The following REPS1 variants were observed in gnomAD, a reference collection of about 807,000 sequenced individuals.
The protein encoded by REPS1 is RALBP1 associated Eps domain containing 1.
REPS1 carries 39 observed loss-of-function variants against 100.9 expected under a neutral mutation model. That is an observed-to-expected ratio of 0.39 (90% CI 0.30 to 0.50). The LOEUF (loss-of-function observed/expected upper bound fraction) is 0.50. REPS1 is among the 20% of genes least tolerant of loss of function. The pLI, the probability that REPS1 is intolerant of heterozygous loss-of-function variation, is 0.86. For missense variants in REPS1, 821 were observed against 968.5 expected, an observed-to-expected ratio of 0.85 and a Z score of 2.02; for synonymous variants, 324 against 340.3, an observed-to-expected ratio of 0.95 and a Z score of 0.53.
chr6:138,941,435 A>C lies in REPS1; in HGVS notation c.1035T>G (p.Ala345=). The part of the protein sequence containing the change: ...DGALTLDEFC[A]AFHLVVARKN... ...TCCTAGCAACCACCAGATGAAAAGC[A>C]GCACAAAACTCATCCAGTGTCAATG... Residue 345 remains alanine (A), a synonymous_variant, in exon 8 of 20, where the codon GCT becomes GCG. Transcript: ENST00000450536. 1 of 1,614,090 alleles carries C rather than the reference A, an allele frequency of 6.2e-7. No homozygotes were observed. The highest frequency in any genetic ancestry group is 1.3e-5 in the African/African-American group (1 of 75,064).
At position 138,920,284 on chromosome 6, in the gene REPS1, T is replaced by G; in HGVS notation, c.1459A>C (p.Lys487Gln). ...HTNPTSPLLVKPSDLLEENKI... is the reference protein window; with the variant it reads ...HTNPTSPLLVQPSDLLEENKI... The stretch of plus-strand genomic sequence containing the variant: ...TTTTCTTCTAAAAGGTCAGATGGTT[T>G]CACAAGTAATGGGCTAGTGGGATTT... The change falls in exon 12 of 20, where the codon AAA becomes CAA. Residue 487 changes from lysine to glutamine, a missense_variant. Physicochemically the swap from Lys to Gln is moderately conservative, Grantham distance 53. This residue lies in a region of REPS1 where 757 missense variants were observed against 866.4 expected (regional missense o/e 0.87). Coordinates refer to ENST00000450536, the MANE Select transcript of REPS1 (RefSeq NM_001286611.2). 2 of 1,601,162 alleles carry G rather than the reference T, an allele frequency of 1.2e-6. No homozygotes were observed. The highest frequency in any genetic ancestry group is 1.7e-6 in the Non-Finnish European group (2 of 1,168,330).
intron 1 of REPS1, among the ~76,000 whole-genome samples, chr6:138,961,680 G>A (rs181500774): frequency 6.6e-6 from 1 of 152,194 alleles, no homozygotes; most frequent in Admixed American, 6.5e-5. Flanking sequence ...ATTAATAATA[G>A]TATTGTTATG....
chr6:138,924,392 C>T (rs538979133), intron 10 of REPS1, among the ~76,000 whole-genome samples: 97 of 152,286 alleles, frequency 6.4e-4, no homozygotes, highest in Middle Eastern at 6.8e-3. Flanking sequence ...AGCTGCAAAT[C>T]TGAATATTAT....
At chr6:138,930,201 A>G (rs1582756133) in intron 8 of REPS1, 103 bp from the exon 9 acceptor site, 4 of 873,602 alleles carry the variant, frequency 4.6e-6, no homozygotes, top group Non-Finnish European at 5.2e-6. Flanking sequence ...TTTCATAAGT[A>G]GTAATATATA....
At chr6:138,935,799 A>G (rs1013020809) in intron 8 of REPS1, among the ~76,000 whole-genome samples, 9 of 131,992 alleles carry the variant, frequency 6.8e-5, no homozygotes, top group Non-Finnish European at 9.3e-5. Context: ...GGTTGCAGTG[A>G]GCCAAGATCA....
At chr6:138,976,454 A>G (rs910799968) in intron 1 of REPS1, among the ~76,000 whole-genome samples, 3 of 152,240 alleles carry the variant, frequency 2.0e-5, no homozygotes, top group African/African-American at 4.8e-5. Flanking sequence ...ATGGCCCACA[A>G]AAAGATTCAT....
rs373503500 is a variant in REPS1, at chr6:138,920,297, G to A, written c.1446C>T (p.Ser482=). The A allele has an allele frequency of 3.0e-5, 47 of 1,589,052 alleles. No homozygotes were observed. In the East Asian group the frequency reaches 8.9e-4, roughly 30 times the overall value. The change falls in exon 12 of 20, where the codon AGC becomes AGT. Residue 482 remains serine, a synonymous_variant. Transcript: ENST00000450536. ...GGTCAGATGGTTTCACAAGTAATGG[G>A]CTAGTGGGATTTGTATGATCTAATA... ...RTGSDHTNPT[S]PLLVKPSDLL... is the part of the protein sequence containing the mutation.
intron 9 of REPS1, chr6:138,926,965 AT>A (rs1781176566): frequency 6.4e-6 from 1 of 155,356 alleles, no homozygotes; most frequent in South Asian, 2.0e-4. Context: ...CTGAAAGATG[AT>A]TCTATTATGT....
chr6:138,936,628 G>C (rs893022448), intron 8 of REPS1, among the ~76,000 whole-genome samples: 10 of 134,962 alleles, frequency 7.4e-5, no homozygotes, highest in Non-Finnish European at 1.4e-4. Flanking sequence ...TGTTTGGGGG[G>C]GGGTAGAGGT....
At chr6:138,926,522 G>A (rs773569693) in intron 9 of REPS1, 41 bp from the exon 10 acceptor site, 1 of 1,393,164 alleles carries the variant, frequency 7.2e-7, no homozygotes, top group Non-Finnish European at 1.0e-6. Context: ...TGATGAGAAA[G>A]ATGGAGTAAA....
intron 7 of REPS1, 32 bp from the exon 8 acceptor site, chr6:138,941,521 C>G (rs374116877): frequency 6.3e-7 from 1 of 1,591,842 alleles, no homozygotes; most frequent in African/African-American, 1.3e-5. Context: ...AATATAATCA[C>G]ATTCCGCTTT....
At chr6:138,937,938 AAGG>A (rs1475566500) in intron 8 of REPS1, among the ~76,000 whole-genome samples, 1 of 152,198 alleles carries the variant, frequency 6.6e-6, no homozygotes, top group Admixed American at 6.5e-5. Flanking sequence ...GTGCTTTGCA[AAGG>A]AGAAGATTCT....
intron 17 of REPS1, among the ~76,000 whole-genome samples, chr6:138,910,143 T>C (rs1024074742): frequency 6.6e-6 from 1 of 152,164 alleles, no homozygotes; most frequent in African/African-American, 2.4e-5. Flanking sequence ...TTGGTGCCCT[T>C]CTCACAGTAA....
At chr6:138,921,895 C>G (rs557954816) in intron 10 of REPS1, among the ~76,000 whole-genome samples, 1 of 151,926 alleles carries the variant, frequency 6.6e-6, no homozygotes, top group East Asian at 1.9e-4. Flanking sequence ...ATCCTTGAGC[C>G]TGGGGAGTGG....
Position 138,920,128 on chromosome 6 carries a change from G to A in REPS1, c.1528+87C>T, listed in dbSNP as rs895843675. The A allele has an allele frequency of 2.6e-5, 19 of 728,396 alleles. 1 individual carries two copies. Among genetic ancestry groups the A allele is most frequent in the Admixed American group, 4.0e-5 (2 of 50,550 alleles). The allele number at this position is 728,396 out of a possible 1,614,324, so 45.1% of individuals were successfully genotyped here. A position where few individuals can be genotyped will look rare whatever the true frequency, so the allele number is the denominator to read the frequency against. ...CTCCTCTACTTTATCTAGTGAAGAC[G>A]GTATTAAATGCATACACATCTGAAA... is the stretch of plus-strand genomic sequence containing the variant. On this transcript the variant is annotated intron_variant, in intron 12 of 19. Transcript: ENST00000450536.
chr6:138,976,894 AATCT>A (rs1784627834), intron 1 of REPS1, among the ~76,000 whole-genome samples: 1 of 152,212 alleles, frequency 6.6e-6, no homozygotes. Flanking sequence ...TACACATAAA[AATCT>A]ATCAGTACAT....
At chr6:138,953,996 T>C (rs1350327955) in intron 1 of REPS1, among the ~76,000 whole-genome samples, 1 of 152,136 alleles carries the variant, frequency 6.6e-6, no homozygotes, top group Non-Finnish European at 1.5e-5. Context: ...ATATATACCA[T>C]GGAATACTAT....
Position 138,987,649 on chromosome 6 carries a change from T to G in REPS1, c.34A>C (p.Lys12Gln). 6.5e-7 allele frequency: 1 copy of G among 1,549,756 alleles called. No homozygotes were observed. The highest frequency in any genetic ancestry group is 8.7e-7 in the Non-Finnish European group (1 of 1,146,310). ...TAGGAGAAGAGATCTGAATAGTATT[T>G]CTGCTCCGCATCGCTCAGCGTTAAG... ...EGLTLSDAEQ[K>Q]YYSDLFSYCD... Residue 12 changes from lysine (K) to glutamine (Q), a missense_variant, in exon 1 of 20, where the codon AAA (lysine) becomes CAA (glutamine). By Grantham distance (53) the Lys-to-Gln change is moderately conservative (BLOSUM62 1). Around this residue, in one of 3 missense-constraint regions of REPS1, gnomAD observed 36 missense variants for 36.7 expected, o/e 0.98. Coordinates refer to ENST00000450536, the MANE Select transcript of REPS1 (RefSeq NM_001286611.2).
intron 1 of REPS1, among the ~76,000 whole-genome samples, chr6:138,977,099 CCAT>C (rs1784639203): frequency 6.6e-6 from 1 of 152,144 alleles, no homozygotes; most frequent in African/African-American, 2.4e-5. Flanking sequence ...TAAAATTCAA[CCAT>C]CATATGTGTA....
Sources: gnomAD v4.1 joint callset for allele counts (sites outside exome capture counted in the v4.1 genomes callset) on GRCh38, gnomAD v4.1.1 for gene constraint, gnomAD v4.1.1 regional missense constraint, MANE v1.5 for transcripts, NCBI Gene and HGNC (gene_info 2026-07-23, HGNC 2026-07-21) for gene names.